The following MCOLN3 variants were observed in gnomAD, a reference collection of about 807,000 sequenced individuals.
MCOLN3 encodes the protein mucolipin TRP cation channel 3.
A neutral mutation model predicts 69.4 loss-of-function variants in MCOLN3; 62 were observed. That is an observed-to-expected ratio of 0.89 (90% CI 0.73 to 1.10). MCOLN3 has a LOEUF of 1.10. MCOLN3 is among the 50% of genes least tolerant of loss of function. MCOLN3 has a pLI of 0.00. For synonymous variants in MCOLN3, 183 were observed against 217.0 expected, an observed-to-expected ratio of 0.84 and a Z score of 1.38; for missense variants, 564 against 656.4, an observed-to-expected ratio of 0.86 and a Z score of 1.54.
At chr1:85,023,803 G>A (rs1262461734) in intron 9 of MCOLN3, among the ~76,000 whole-genome samples, 2 of 152,176 alleles carry the variant, frequency 1.3e-5, no homozygotes, top group Non-Finnish European at 2.9e-5. Flanking sequence ...ATAGGTTGGT[G>A]AGATGTGAGG....
chr1:85,028,023 C>T (rs2102923758), intron 7 of MCOLN3, among the ~76,000 whole-genome samples: 1 of 152,284 alleles, frequency 6.6e-6, no homozygotes, highest in East Asian at 1.9e-4. Flanking sequence ...TTTAGAGAAA[C>T]TTACAAATTA....
At position 85,040,991 on chromosome 1, in the gene MCOLN3, A is replaced by G. The variant is rs1384881127; in HGVS notation, c.396+19T>C. 1 of 1,610,644 alleles carries G rather than the reference A, an allele frequency of 6.2e-7. No individual in the cohort carries two copies. The highest frequency in any genetic ancestry group is 1.1e-5 in the South Asian group (1 of 90,194). The stretch of plus-strand genomic sequence containing the variant: ...GTCTGTTCTTTTTCCCAAGTAAATA[A>G]TGCACACACTTGATTTACCTGGTTT... On this transcript the variant is annotated intron_variant, in intron 3 of 12. Transcript: ENST00000370589.
intron 3 of MCOLN3, among the ~76,000 whole-genome samples, chr1:85,035,964 C>T (rs765653211): frequency 6.6e-6 from 1 of 152,196 alleles, no homozygotes; most frequent in Non-Finnish European, 1.5e-5. Flanking sequence ...CTGCTGTCTG[C>T]TTACATGTCA....
At chr1:85,041,237 A>C in intron 2 of MCOLN3, 60 bp from the exon 3 acceptor site, 1 of 1,430,834 alleles carries the variant, frequency 7.0e-7, no homozygotes, top group Non-Finnish European at 9.6e-7. Context: ...AAAGCAGAGC[A>C]GAAGGTACAG....
intron 12 of MCOLN3, among the ~76,000 whole-genome samples, chr1:85,020,102 T>C (rs1382728278): frequency 1.3e-5 from 2 of 152,322 alleles, no homozygotes; most frequent in East Asian, 3.9e-4. Context: ...TTGGAGGCAG[T>C]GAACTTTTAG....
intron 1 of MCOLN3, 88 bp from the exon 2 acceptor site, chr1:85,045,450 G>A (rs957816681): frequency 2.0e-5 from 21 of 1,051,666 alleles, no homozygotes; most frequent in Non-Finnish European, 2.8e-5. Context: ...ATTGCAAGGA[G>A]AAGCCCATAC....
chr1:85,027,894 A>G (rs778546138), intron 7 of MCOLN3, among the ~76,000 whole-genome samples: 2 of 152,142 alleles, frequency 1.3e-5, no homozygotes, highest in Non-Finnish European at 2.9e-5. Flanking sequence ...TCTCTATTTA[A>G]CAAGTTAGAC....
chr1:85,022,211 C>A lies in MCOLN3; in HGVS notation c.1198-19G>T, dbSNP rs182732267. On this transcript the variant is annotated intron_variant, in intron 10 of 12. Transcript: ENST00000370589. ...TGAGGAGCTGGGAAAGTAAGAGAGG[C>A]CATTAGAATGGTTTTGTCCTTTAGC... 44 of 1,613,828 alleles carry A rather than the reference C, an allele frequency of 2.7e-5. No homozygotes were observed. Among genetic ancestry groups the A allele is most frequent in the Non-Finnish European group, 8.5e-7 (1 of 1,179,916 alleles).
intron 2 of MCOLN3, among the ~76,000 whole-genome samples, chr1:85,043,239 T>C (rs1027635556): frequency 6.6e-6 from 1 of 152,106 alleles, no homozygotes; most frequent in Non-Finnish European, 1.5e-5. Flanking sequence ...GTTTTAAGAA[T>C]TGAGTATGGG....
chr1:85,047,689 T>C (rs1653435548), intron 1 of MCOLN3: 2 of 152,256 alleles, frequency 1.3e-5, no homozygotes, highest in African/African-American at 4.8e-5. Flanking sequence ...GCAACCTCGT[T>C]TTTTCAGAAG....
At chr1:85,024,842 T>C (rs1436104244) in intron 9 of MCOLN3, 1 of 152,226 alleles carries the variant, frequency 6.6e-6, no homozygotes, top group Non-Finnish European at 1.5e-5. Flanking sequence ...ATACATACTA[T>C]AGCCACATAT....
intron 4 of MCOLN3, 25 bp from the exon 5 acceptor site, chr1:85,032,981 T>C: frequency 6.3e-7 from 1 of 1,593,798 alleles, no homozygotes; most frequent in Non-Finnish European, 8.6e-7. Flanking sequence ...AACAAAAACA[T>C]GATACAGTAC....
In MCOLN3 at chr1:85,026,025, A is replaced by G; in HGVS notation, c.1009T>C (p.Phe337Leu). 2 of 1,600,792 alleles carry G rather than the reference A, an allele frequency of 1.2e-6. No individual in the cohort carries two copies. The highest frequency in any genetic ancestry group is 2.2e-5 in the East Asian group (1 of 44,760). ...ATCATAATGTACCATCCATTGACAA[A>G]TTCCATTTGATCAGAAACAGAAACT... ...KEVSVSDQMEFVNGWYIMIII... is the reference protein window; with the variant it reads ...KEVSVSDQMELVNGWYIMIII... Residue 337 changes from phenylalanine (F) to leucine (L), a missense_variant, in exon 9 of 13, where the codon TTT becomes CTT. Transcript: ENST00000370589.
At chr1:85,041,629 G>A (rs1653068418) in intron 2 of MCOLN3, among the ~76,000 whole-genome samples, 1 of 151,920 alleles carries the variant, frequency 6.6e-6, no homozygotes, top group African/African-American at 2.4e-5. Flanking sequence ...CAGCACTTTG[G>A]GAGGCCAAGG....
At chr1:85,045,389 C>T in intron 1 of MCOLN3, 27 bp from the exon 2 acceptor site, 2 of 1,553,730 alleles carry the variant, frequency 1.3e-6, no homozygotes, top group Middle Eastern at 1.7e-4. Context: ...ACAACAACAA[C>T]AACCAACATT....
At chr1:85,043,048 T>C (rs1653147264) in intron 2 of MCOLN3, among the ~76,000 whole-genome samples, 1 of 152,222 alleles carries the variant, frequency 6.6e-6, no homozygotes, top group Non-Finnish European at 1.5e-5. Context: ...CATAGGAAGG[T>C]AGATGAGCTC....
At chr1:85,043,176 C>T (rs550721852) in intron 2 of MCOLN3, among the ~76,000 whole-genome samples, 1 of 152,268 alleles carries the variant, frequency 6.6e-6, no homozygotes, top group South Asian at 2.1e-4. Context: ...CTTACCAAGA[C>T]CCTCATTGTT....
At position 85,034,248 on chromosome 1, in the gene MCOLN3, A is replaced by C. The variant is rs762268957; in HGVS notation, c.400T>G (p.Leu134Val). ...CCAACGGAGACATTGTATAGCTGCA[A>C]GTACTTCAACCAAAATGAGAAACAG... ...DQLIFAVNQYLQLYNVSVGNH... is the reference protein window; with the variant it reads ...DQLIFAVNQYVQLYNVSVGNH... Residue 134 changes from leucine (L) to valine (V), a missense_variant, in exon 4 of 13, where the codon TTG (leucine) becomes GTG (valine). Transcript: ENST00000370589. 3.1e-6 allele frequency: 5 copies of C among 1,614,134 alleles called. No individual in the cohort carries two copies. The highest frequency in any genetic ancestry group is 4.2e-6 in the Non-Finnish European group (5 of 1,179,988).
intron 12 of MCOLN3, among the ~76,000 whole-genome samples, chr1:85,020,087 C>T (rs1357000479): frequency 6.6e-6 from 1 of 152,178 alleles, no homozygotes; most frequent in Non-Finnish European, 1.5e-5. Flanking sequence ...TCTCTGCATG[C>T]AGAGTTGGAG....
Sources: allele counts gnomAD v4.1 joint callset (sites outside exome capture counted in the v4.1 genomes callset), GRCh38; gene constraint gnomAD v4.1.1; transcripts MANE v1.5; gene names NCBI Gene and HGNC (gene_info 2026-07-23, HGNC 2026-07-21).